The following VPS13B variants were observed in gnomAD, a reference collection of about 807,000 sequenced individuals.
The protein encoded by VPS13B is intermembrane lipid transfer protein VPS13B.
In VPS13B, 285 loss-of-function variants were observed where a neutral mutation model predicts 426.4. That is an observed-to-expected ratio of 0.67 (90% CI 0.61 to 0.74). The LOEUF is 0.74. VPS13B is among the 30% of genes least tolerant of loss of function. The pLI, the probability that VPS13B is intolerant of heterozygous loss-of-function variation, is 0.00. For missense variants in VPS13B, 4,537 were observed against 4,782.6 expected (o/e 0.95, Z 1.51); for synonymous variants, 1,676 against 1,676.4 (o/e 1.00, Z 0.01).
intron 34 of VPS13B, among the ~76,000 whole-genome samples, chr8:99,644,430 T>G (rs1829495128): frequency 6.6e-6 from 1 of 152,220 alleles, no homozygotes; most frequent in South Asian, 2.1e-4. Context: ...GATAGGCATT[T>G]GAATTATAAT....
chr8:99,046,208 T>C (rs1843235145), intron 3 of VPS13B, among the ~76,000 whole-genome samples: 1 of 152,228 alleles, frequency 6.6e-6, no homozygotes. Context: ...GTGTCATCTA[T>C]GATTTCTTCC....
intron 33 of VPS13B, among the ~76,000 whole-genome samples, chr8:99,616,736 A>G (rs1256409189): frequency 6.6e-6 from 1 of 152,340 alleles, no homozygotes; most frequent in African/African-American, 2.4e-5. Context: ...GAGGCAGGGG[A>G]ATCACTTGAA....
At position 99,550,980 on chromosome 8, in the gene VPS13B, T is replaced by C. The variant is rs566499178; in HGVS notation, c.4746-5470T>C. 5.9e-5 allele frequency among the ~76,000 whole-genome samples: 9 copies of C among 152,252 alleles called. No homozygotes were observed. The South Asian group carries it at 1.9e-3, about 32-fold the overall frequency. ...GGTTGTCGGATTTTATAAATGTTCC[T>C]GTGTGCTTGAGAAAAATATGTATTC... On this transcript the variant is annotated intron_variant, in intron 30 of 61. Coordinates refer to ENST00000357162, the MANE Select transcript of VPS13B (RefSeq NM_152564.5).
intron 3 of VPS13B, among the ~76,000 whole-genome samples, chr8:99,091,413 C>T (rs548232194): frequency 1.3e-5 from 2 of 152,096 alleles, no homozygotes; most frequent in Non-Finnish European, 2.9e-5. Flanking sequence ...TTCCTTTTTC[C>T]AGCCTGTCAT....
chr8:99,154,128 A>T (rs1470357823), intron 14 of VPS13B, among the ~76,000 whole-genome samples: 4 of 151,514 alleles, frequency 2.6e-5, no homozygotes, highest in Non-Finnish European at 5.9e-5. Context: ...CTATGATTTG[A>T]AAATGATGTG....
Position 99,481,904 on chromosome 8 carries a change from T to C in VPS13B, c.3870+102T>C, listed in dbSNP as rs1287219189. ...AAGATAACCTCACTACTGTGAAAACTGATAGATTCTGAAGGTTCAAGAGGA... is the reference window on the plus strand; with the variant it reads ...AAGATAACCTCACTACTGTGAAAACCGATAGATTCTGAAGGTTCAAGAGGA... On this transcript the variant is annotated intron_variant, in intron 25 of 61. Coordinates refer to ENST00000357162, the MANE Select transcript of VPS13B (RefSeq NM_152564.5). The C allele has an allele frequency of 3.0e-6, 4 of 1,338,802 alleles. No homozygotes were observed. In the African/African-American group the frequency reaches 4.4e-5, roughly 15 times the overall value. 82.9% of individuals were successfully genotyped at this position (1,338,802 alleles called of 1,614,324 possible).
intron 36 of VPS13B, among the ~76,000 whole-genome samples, chr8:99,701,123 C>A (rs185741077): frequency 6.6e-5 from 10 of 152,250 alleles, no homozygotes; most frequent in African/African-American, 2.2e-4. Context: ...TTATTTCTTT[C>A]TCACTAGAAA....
intron 35 of VPS13B, among the ~76,000 whole-genome samples, chr8:99,676,540 G>A (rs1467992062): frequency 1.3e-5 from 2 of 151,746 alleles, no homozygotes; most frequent in Non-Finnish European, 2.9e-5. Context: ...GTTCCCCCAA[G>A]CAGACGGTGT....
intron 7 of VPS13B, among the ~76,000 whole-genome samples, chr8:99,120,770 G>A (rs1356910689): frequency 6.6e-6 from 1 of 151,846 alleles, no homozygotes; most frequent in Non-Finnish European, 1.5e-5. Context: ...TGTTTCTTGG[G>A]TCTTTGTGGT....
At chr8:99,067,432 G>A (rs1162763256) in intron 3 of VPS13B, among the ~76,000 whole-genome samples, 1 of 152,170 alleles carries the variant, frequency 6.6e-6, no homozygotes, top group Non-Finnish European at 1.5e-5. Flanking sequence ...TCATAGGTGG[G>A]AACTGAACAA....
intron 39 of VPS13B, among the ~76,000 whole-genome samples, chr8:99,735,684 A>G (rs555508453): frequency 1.3e-5 from 2 of 152,288 alleles, no homozygotes; most frequent in South Asian, 4.1e-4. Flanking sequence ...GTAATTTTTC[A>G]TGGAAGCCCT....
rs568021168 is a variant in VPS13B at position 99,858,135 on chromosome 8, C to T, written c.10868-1169C>T. Among the ~76,000 whole-genome samples the T allele has an allele frequency of 3.3e-5, 5 of 152,356 alleles. No homozygotes were observed. In the East Asian group the frequency reaches 9.6e-4, roughly 29 times the overall value. On this transcript the variant is annotated intron_variant, in intron 56 of 61. Transcript: ENST00000357162. Reference sequence around the variant, plus strand: ...GGATGGCTCCCACCCAGTCCTGTCCCCACAGCCTTCCCATTACCGGGCTCT... The same window carrying T: ...GGATGGCTCCCACCCAGTCCTGTCCTCACAGCCTTCCCATTACCGGGCTCT...
intron 19 of VPS13B, among the ~76,000 whole-genome samples, chr8:99,336,924 A>G (rs1810916133): frequency 1.3e-5 from 2 of 151,958 alleles, no homozygotes; most frequent in Non-Finnish European, 2.9e-5. Flanking sequence ...GGGACTGTAA[A>G]CTAGTTCAAC....
In VPS13B at chr8:99,854,238, G is replaced by A. The variant is rs1313897981; in HGVS notation, c.10849G>A (p.Gly3617Arg). ...VHALAMHYAA[G>R]ALFRAGWVVG... ...CGCCCTGGCAATGCACTATGCCGCT[G>A]GGGCCCTTTTTAGAGCAGGTAAGAA... is the stretch of plus-strand genomic sequence containing the variant. The change falls in exon 56 of 62, where the codon GGG becomes AGG. Residue 3617 changes from glycine (G) to arginine (R), a missense_variant. Around this residue, in one of 2 missense-constraint regions of VPS13B, gnomAD observed 4,311 missense variants for 4,474.3 expected, o/e 0.96. Coordinates refer to ENST00000357162, the MANE Select transcript of VPS13B (RefSeq NM_152564.5). 1 of 1,613,766 alleles carries A rather than the reference G, an allele frequency of 6.2e-7. No homozygotes were observed. Among genetic ancestry groups the A allele is most frequent in the Non-Finnish European group, 8.5e-7 (1 of 1,179,986 alleles).
At chr8:99,210,287 C>T (rs991255280) in intron 17 of VPS13B, among the ~76,000 whole-genome samples, 1 of 152,162 alleles carries the variant, frequency 6.6e-6, no homozygotes, top group Non-Finnish European at 1.5e-5. Context: ...TGGATATTCT[C>T]AGCACCTCAT....
At chr8:99,313,972 A>G (rs1821166102) in intron 19 of VPS13B, among the ~76,000 whole-genome samples, 1 of 152,130 alleles carries the variant, frequency 6.6e-6, no homozygotes, top group African/African-American at 2.4e-5. Flanking sequence ...CAAGCCAGGC[A>G]CGGGATATAA....
intron 39 of VPS13B, among the ~76,000 whole-genome samples, chr8:99,751,301 C>G (rs1810382314): frequency 6.6e-6 from 1 of 152,024 alleles, no homozygotes; most frequent in Non-Finnish European, 1.5e-5. Context: ...TTCATCAGCT[C>G]TACAGTATGA....
chr8:99,059,963 T>C (rs1372805979), intron 3 of VPS13B, among the ~76,000 whole-genome samples: 1 of 151,924 alleles, frequency 6.6e-6, no homozygotes, highest in East Asian at 1.9e-4. Flanking sequence ...CTTGAACTCC[T>C]GACCTCAGGT....
chr8:99,689,195 GA>G (rs1831542884), intron 35 of VPS13B, among the ~76,000 whole-genome samples: 1 of 151,900 alleles, frequency 6.6e-6, no homozygotes, highest in Non-Finnish European at 1.5e-5. Context: ...TAATCTCTAA[GA>G]GTTTTTAATT....
Sources: allele counts gnomAD v4.1 joint callset (sites outside exome capture counted in the v4.1 genomes callset), GRCh38; gene constraint gnomAD v4.1.1; regional missense constraint gnomAD v4.1.1; transcripts MANE v1.5; gene names NCBI Gene and HGNC (gene_info 2026-07-23, HGNC 2026-07-21).